Variants in DIAPH2 observed in about 807,000 individuals in gnomAD.
DIAPH2 encodes the protein diaphanous related formin 2.
Under a neutral mutation model 92.7 loss-of-function variants are expected in DIAPH2, and 35 were observed. The observed-to-expected ratio is 0.38, with a 90% CI of 0.29 to 0.50. The LOEUF (loss-of-function observed/expected upper bound fraction) is 0.50, where lower values mean the gene tolerates loss of function less well. DIAPH2 is among the 20% of genes least tolerant of loss of function. DIAPH2 has a pLI of 0.94. For missense variants in DIAPH2, 701 were observed against 819.5 expected (o/e 0.86, Z 1.77); for synonymous variants, 301 against 280.4 (o/e 1.07, Z -0.73).
chrX:97,249,417 A>G (rs781142065), intron 23 of DIAPH2, among the ~76,000 whole-genome samples: 49 of 112,325 alleles, frequency 4.4e-4, no homozygotes, highest in Admixed American at 6.7e-4. Flanking sequence ...AAGTGGCACT[A>G]AAGTGTGACT....
intron 22 of DIAPH2, among the ~76,000 whole-genome samples, chrX:97,152,378 A>G (rs1383055758): frequency 2.7e-5 from 3 of 112,413 alleles, no homozygotes; most frequent in African/African-American, 9.7e-5. Context: ...TGCCAAAGTT[A>G]TATGACTCAA....
intron 22 of DIAPH2, among the ~76,000 whole-genome samples, chrX:97,186,508 A>G: frequency 8.9e-6 from 1 of 112,085 alleles, no homozygotes. Context: ...TTTCTCTAAG[A>G]AACAGTTGCC....
intron 17 of DIAPH2, among the ~76,000 whole-genome samples, chrX:97,026,122 TA>T (rs769413070): frequency 2.9e-4 from 33 of 112,281 alleles, no homozygotes; most frequent in African/African-American, 1.0e-3. Flanking sequence ...ATAGAGATAA[TA>T]AAAGCATTTT....
intron 26 of DIAPH2, among the ~76,000 whole-genome samples, chrX:97,459,801 GT>G (rs1271434287): frequency 8.9e-6 from 1 of 111,771 alleles, no homozygotes; most frequent in African/African-American, 3.3e-5. Flanking sequence ...CAGCATGATG[GT>G]TAAGAGCACA....
chrX:97,086,238 G>T (rs2147348348), intron 19 of DIAPH2, among the ~76,000 whole-genome samples: 1 of 111,660 alleles, frequency 9.0e-6, no homozygotes, highest in South Asian at 3.8e-4. Flanking sequence ...TAAAAAGAAG[G>T]AAATCTTTGA....
intron 22 of DIAPH2, among the ~76,000 whole-genome samples, chrX:97,203,604 CT>C (rs1024327137): frequency 8.9e-6 from 1 of 111,764 alleles, no homozygotes; most frequent in Non-Finnish European, 1.9e-5. Context: ...CACATACACC[CT>C]CCCAAGACTA....
chrX:97,018,207 G>C, intron 17 of DIAPH2, among the ~76,000 whole-genome samples: 1 of 112,151 alleles, frequency 8.9e-6, no homozygotes, highest in South Asian at 3.7e-4. Flanking sequence ...CAGCTGTCTT[G>C]TCATGTTAAC....
chrX:96,989,217 A>G (rs1158389121), intron 17 of DIAPH2, among the ~76,000 whole-genome samples: 4 of 111,995 alleles, frequency 3.6e-5, no homozygotes, highest in Non-Finnish European at 7.5e-5. Context: ...TGGATCATAC[A>G]TATGTTACAA....
At chrX:97,215,315 T>C (rs2067874568) in intron 22 of DIAPH2, among the ~76,000 whole-genome samples, 1 of 111,542 alleles carries the variant, frequency 9.0e-6, no homozygotes, top group African/African-American at 3.3e-5. Flanking sequence ...ACATTCCACA[T>C]TGAGGAGATT....
chrX:97,226,681 A>G (rs2067968028), intron 22 of DIAPH2, among the ~76,000 whole-genome samples: 2 of 111,499 alleles, frequency 1.8e-5, no homozygotes, highest in Admixed American at 1.9e-4. Flanking sequence ...AGCCGAGTAT[A>G]TGTTTTAAAG....
intron 23 of DIAPH2, among the ~76,000 whole-genome samples, chrX:97,335,998 G>A (rs1213334989): frequency 9.0e-6 from 1 of 110,837 alleles, no homozygotes; most frequent in African/African-American, 3.3e-5. Context: ...GTAGTCTCTA[G>A]TATTCTAGGC....
At chrX:97,518,679 G>C (rs930607355) in intron 26 of DIAPH2, among the ~76,000 whole-genome samples, 4 of 110,557 alleles carry the variant, frequency 3.6e-5, no homozygotes, top group Admixed American at 2.9e-4. Context: ...CTGTGTATTA[G>C]AGCGCAAGTG....
intron 5 of DIAPH2, among the ~76,000 whole-genome samples, chrX:96,888,540 TACAGATATATATATCTATATATATAC>T (rs1306655369): frequency 7.0e-5 from 7 of 100,171 alleles, no homozygotes; most frequent in East Asian, 6.1e-4. Flanking sequence ...TATATATACA[TACAGATATATATATCTATATATATAC>T]ACAGATATAT....
intron 23 of DIAPH2, among the ~76,000 whole-genome samples, chrX:97,280,344 G>C (rs899313149): frequency 4.5e-5 from 5 of 110,267 alleles, no homozygotes; most frequent in Non-Finnish European, 9.5e-5. Context: ...CCACCGTGGT[G>C]GCGGGTGCCT....
intron 5 of DIAPH2, among the ~76,000 whole-genome samples, chrX:96,898,256 G>A (rs1184790562): frequency 9.9e-6 from 1 of 100,601 alleles, no homozygotes; most frequent in Non-Finnish European, 2.0e-5. Context: ...TGGGATGGCT[G>A]GGTCAAATGG....
chrX:96,723,291 TAGA>T (rs2063999757), intron 1 of DIAPH2, among the ~76,000 whole-genome samples: 1 of 111,787 alleles, frequency 8.9e-6, no homozygotes, highest in African/African-American at 3.3e-5. Context: ...TTTTTTTAAA[TAGA>T]AGGAATAAAT....
chrX:97,080,032 CT>C (rs2066730578), intron 19 of DIAPH2, among the ~76,000 whole-genome samples: 1 of 111,610 alleles, frequency 9.0e-6, no homozygotes, highest in South Asian at 3.8e-4. Context: ...CTCTGTCTCC[CT>C]TATAAGGGAC....
intron 4 of DIAPH2, among the ~76,000 whole-genome samples, chrX:96,817,355 A>G (rs1366315718): frequency 9.0e-6 from 1 of 110,932 alleles, no homozygotes; most frequent in East Asian, 2.8e-4. Flanking sequence ...ATATACACCT[A>G]CTATGTACCC....
At position 96,949,053 on chromosome X, in the gene DIAPH2, A is replaced by G; in HGVS notation, c.1614+14A>G. On this transcript the variant is annotated intron_variant, in intron 15 of 26. Coordinates refer to ENST00000324765, the MANE Select transcript of DIAPH2 (RefSeq NM_006729.5). ...CTTCGAACCCAGGTAATGAAAGAAG[A>G]TATAGACTTTGTGTCATGTCACAAT... 9.1e-7 allele frequency: 1 copy of G among 1,098,686 alleles called. No individual in the cohort carries two copies. Among genetic ancestry groups the G allele is most frequent in the Non-Finnish European group, 1.2e-6 (1 of 804,276 alleles). 90.5% of individuals were successfully genotyped at this position (1,098,686 alleles called of 1,213,427 possible).
Sources: gnomAD v4.1 joint callset for allele counts (sites outside exome capture counted in the v4.1 genomes callset) on GRCh38, gnomAD v4.1.1 for gene constraint, MANE v1.5 for transcripts, NCBI Gene and HGNC (gene_info 2026-07-23, HGNC 2026-07-21) for gene names.